Variants in DENND1B observed in about 807,000 individuals in gnomAD.
The protein encoded by DENND1B is DENN domain-containing protein 1B.
DENND1B carries 59 observed loss-of-function variants against 90.1 expected under a neutral mutation model. The ratio of observed to expected loss-of-function variants is 0.65; its 90% CI spans 0.53 to 0.81. DENND1B has a LOEUF of 0.81. Ranked by LOEUF, DENND1B falls within the 40% of genes least tolerant of loss-of-function variation. DENND1B has a pLI of 0.00. For missense variants in DENND1B, 862 were observed against 912.6 expected (o/e 0.94, Z 0.71); for synonymous variants, 337 against 324.6 (o/e 1.04, Z -0.41).
At chr1:197,760,820 C>A (rs988687718) in intron 2 of DENND1B, among the ~76,000 whole-genome samples, 2 of 152,026 alleles carry the variant, frequency 1.3e-5, no homozygotes, top group African/African-American at 4.8e-5. Flanking sequence ...TCATTTATGT[C>A]TTCAACTATT....
At chr1:197,731,786 T>G (rs533827461) in intron 2 of DENND1B, among the ~76,000 whole-genome samples, 9 of 152,278 alleles carry the variant, frequency 5.9e-5, no homozygotes, top group African/African-American at 2.2e-4. Flanking sequence ...CCTGGCCACA[T>G]GCAGCCTGCA....
At position 197,541,005 on chromosome 1, in the gene DENND1B, T is replaced by A. The variant is rs554155404; in HGVS notation, c.1361A>T (p.His454Leu). 3 of 1,612,698 alleles carry A rather than the reference T, an allele frequency of 1.9e-6. No individual in the cohort carries two copies. Among genetic ancestry groups the A allele is most frequent in the Non-Finnish European group, 1.7e-6 (2 of 1,179,230 alleles). ...CACTTCCTTTAGTCCCAGCTTTGCA[T>A]GATTTTTTGCCTAGAAAATGATAAT... The part of the protein sequence containing the change: ...VRTAYKFAKN[H>L]AKLGLKEVKS... The change falls in exon 19 of 23, where the codon CAT becomes CTT. Residue 454 changes from histidine to leucine, a missense_variant. Transcript: ENST00000620048.
intron 20 of DENND1B, among the ~76,000 whole-genome samples, chr1:197,538,356 T>G (rs1670070258): frequency 6.6e-6 from 1 of 152,120 alleles, no homozygotes. Flanking sequence ...AGTTCACACA[T>G]TAATAAATGT....
intron 20 of DENND1B, among the ~76,000 whole-genome samples, chr1:197,527,240 T>C (rs1669199935): frequency 6.6e-6 from 1 of 152,124 alleles, no homozygotes; most frequent in South Asian, 2.1e-4. Context: ...TTTATGGACA[T>C]GGACGTGTGT....
intron 3 of DENND1B, among the ~76,000 whole-genome samples, chr1:197,676,391 T>G (rs1250243239): frequency 6.6e-6 from 1 of 152,048 alleles, no homozygotes; most frequent in Non-Finnish European, 1.5e-5. Context: ...AAGGCTGGTA[T>G]TTTCACTACA....
At chr1:197,602,657 T>C (rs1053669450) in intron 13 of DENND1B, among the ~76,000 whole-genome samples, 2 of 151,404 alleles carry the variant, frequency 1.3e-5, no homozygotes, top group Admixed American at 6.6e-5. Flanking sequence ...CAGGAAATAT[T>C]CAATGAATTA....
At chr1:197,772,499 C>T (rs1571703942) in intron 2 of DENND1B, among the ~76,000 whole-genome samples, 1 of 152,300 alleles carries the variant, frequency 6.6e-6, no homozygotes, top group East Asian at 1.9e-4. Flanking sequence ...TTAACACTTG[C>T]TTTGACAGAT....
At chr1:197,522,202 C>T (rs934339467) in intron 20 of DENND1B, among the ~76,000 whole-genome samples, 3 of 151,958 alleles carry the variant, frequency 2.0e-5, no homozygotes, top group African/African-American at 4.8e-5. Context: ...ACATACTTTG[C>T]GAAATATGCT....
At position 197,652,267 on chromosome 1, in the gene DENND1B, G is replaced by C. The variant is rs1024117585; in HGVS notation, c.415C>G (p.Pro139Ala). The stretch of plus-strand genomic sequence containing the variant: ...AAATTTACAGGAGTATTTGCCTTTG[G>C]TACTGGGTGGTTATACAGTGATCTG... ...TLRSLYNHPVPKANTPVNLSV... is the reference protein window; with the variant it reads ...TLRSLYNHPVAKANTPVNLSV... The change falls in exon 7 of 23, where the codon CCA (proline) becomes GCA (alanine). Residue 139 changes from proline (P) to alanine (A), a missense_variant. Transcript: ENST00000620048. The C allele has an allele frequency of 8.1e-6, 13 of 1,611,162 alleles. No individual in the cohort carries two copies. The Admixed American group carries it at 1.0e-4, about 12-fold the overall frequency.
rs375539471 is a variant in DENND1B, at chr1:197,511,746, G to A, written c.1797C>T (p.Asp599=). Residue 599 remains aspartate (D), a synonymous_variant, in exon 22 of 23, where the codon GAC becomes GAT. Coordinates refer to ENST00000620048, the MANE Select transcript of DENND1B (RefSeq NM_001195215.2). The part of the protein sequence containing the change: ...KSLDFFRSMD[D]IDYKPTNKSN... ...TACTAACCGTAGGTTTGTAATCAATGTCATCCATTGATCTAAAGAAATCCA... is the reference window on the plus strand; with the variant it reads ...TACTAACCGTAGGTTTGTAATCAATATCATCCATTGATCTAAAGAAATCCA... 4.9e-5 allele frequency: 78 copies of A among 1,606,308 alleles called. No individual in the cohort carries two copies. The African/African-American group carries it at 8.4e-4, about 17-fold the overall frequency.
intron 18 of DENND1B, among the ~76,000 whole-genome samples, chr1:197,544,860 AAGG>A (rs968986148): frequency 5.4e-5 from 8 of 148,222 alleles, no homozygotes; most frequent in Admixed American, 1.4e-4. Context: ...GAAGAAGAGG[AAGG>A]AGGAGAAGGA....
chr1:197,522,692 G>A (rs1211912924), intron 20 of DENND1B, among the ~76,000 whole-genome samples: 1 of 152,080 alleles, frequency 6.6e-6, no homozygotes, highest in Non-Finnish European at 1.5e-5. Flanking sequence ...ATGAGAAAAA[G>A]CTGGATAATC....
chr1:197,758,417 A>G (rs1041206469), intron 2 of DENND1B, among the ~76,000 whole-genome samples: 5 of 152,150 alleles, frequency 3.3e-5, no homozygotes, highest in African/African-American at 1.2e-4. Flanking sequence ...CTTTTTTCAT[A>G]CGGCTAACAA....
chr1:197,776,347 T>C (rs1657268448), upstream of DENND1B, among the ~76,000 whole-genome samples: 1 of 152,204 alleles, frequency 6.6e-6, no homozygotes, highest in Non-Finnish European at 1.5e-5. Flanking sequence ...ATTATTTACT[T>C]CTACCTCATA....
At chr1:197,653,596 T>C (rs1439353835) in intron 6 of DENND1B, among the ~76,000 whole-genome samples, 3 of 152,130 alleles carry the variant, frequency 2.0e-5, no homozygotes, top group Admixed American at 6.5e-5. Context: ...TCTGGTTTAA[T>C]TAATGCTATA....
At chr1:197,640,679 T>C (rs1023465290) in intron 10 of DENND1B, among the ~76,000 whole-genome samples, 13 of 152,190 alleles carry the variant, frequency 8.5e-5, no homozygotes, top group Admixed American at 5.9e-4. Context: ...CATTAAGAGG[T>C]GGATATAAAT....
intron 11 of DENND1B, among the ~76,000 whole-genome samples, chr1:197,615,996 A>G (rs535700768): frequency 1.3e-5 from 2 of 151,150 alleles, no homozygotes; most frequent in Admixed American, 1.3e-4. Context: ...AAATTAGTAC[A>G]GAACTGCCTG....
chr1:197,771,650 A>C (rs1249972384), intron 2 of DENND1B, among the ~76,000 whole-genome samples: 5 of 152,196 alleles, frequency 3.3e-5, no homozygotes, highest in African/African-American at 1.2e-4. Context: ...TAAGGTGTGC[A>C]GCTCCAAATT....
At chr1:197,744,164 A>T (rs1663481190) in intron 2 of DENND1B, among the ~76,000 whole-genome samples, 1 of 152,210 alleles carries the variant, frequency 6.6e-6, no homozygotes, top group South Asian at 2.1e-4. Flanking sequence ...ACTTCTGTTA[A>T]TGTCGATATT....
Sources: allele counts gnomAD v4.1 joint callset (sites outside exome capture counted in the v4.1 genomes callset), GRCh38; gene constraint gnomAD v4.1.1; transcripts MANE v1.5; gene names NCBI Gene and HGNC (gene_info 2026-07-23, HGNC 2026-07-21).